Variants in RIT2 observed in about 807,000 individuals in gnomAD.
RIT2 encodes the protein GTP-binding protein Rit2.
In RIT2, 24 loss-of-function variants were observed where a neutral mutation model predicts 23.7. That is an observed-to-expected ratio of 1.01 (90% CI 0.73 to 1.43). RIT2 has a LOEUF of 1.43. Ranked by LOEUF, RIT2 falls within the 40% of genes most tolerant of loss-of-function variation. RIT2 has a pLI of 0.00. For missense variants in RIT2, 236 were observed against 266.9 expected (o/e 0.88, Z 0.81); for synonymous variants, 107 against 91.1 (o/e 1.17, Z -0.99).
At chr18:42,978,360 G>A (rs1307642022) in intron 2 of RIT2, among the ~76,000 whole-genome samples, 1 of 151,596 alleles carries the variant, frequency 6.6e-6, no homozygotes, top group Non-Finnish European at 1.5e-5. Flanking sequence ...TTCATTGTGG[G>A]GAATCTAGGT....
chr18:42,864,931 C>T (rs1018776483), intron 4 of RIT2, among the ~76,000 whole-genome samples: 1 of 152,166 alleles, frequency 6.6e-6, no homozygotes, highest in African/African-American at 2.4e-5. Context: ...AAGCCCCAAC[C>T]ACCTGCCTTA....
Position 42,743,389 on chromosome 18 carries a change from A to G in RIT2, c.*104T>C, listed in dbSNP as rs1402474133. ...CTTTTACCTACAGGCAGATATTTAA[A>G]GAGAGAGAGACACATAGAGAGATAA... On this transcript the variant is annotated 3_prime_UTR_variant, in exon 5 of 5. Transcript: ENST00000326695. 3.7e-6 allele frequency: 3 copies of G among 820,770 alleles called. No individual in the cohort carries two copies. The East Asian group carries it at 7.5e-5, about 20-fold the overall frequency. 50.8% of individuals were successfully genotyped at this position (820,770 alleles called of 1,614,324 possible). A position where few individuals can be genotyped will look rare whatever the true frequency, so the allele number is the denominator to read the frequency against.
At chr18:42,846,116 G>A (rs1247369718) in intron 4 of RIT2, among the ~76,000 whole-genome samples, 2 of 151,910 alleles carry the variant, frequency 1.3e-5, no homozygotes, top group Admixed American at 1.3e-4. Context: ...CGATTTAGTT[G>A]TATTAATTCC....
At chr18:42,831,106 T>C (rs552267391) in intron 4 of RIT2, among the ~76,000 whole-genome samples, 77 of 152,350 alleles carry the variant, frequency 5.1e-4, no homozygotes, top group African/African-American at 1.8e-3. Context: ...TGCTGAGTTG[T>C]ATATTCCACC....
chr18:43,060,870 G>A lies in RIT2; in HGVS notation c.104-27003C>T, dbSNP rs566459627. Among the ~76,000 whole-genome samples, 6 of 152,202 alleles carry A rather than the reference G, an allele frequency of 3.9e-5. 1 individual carries two copies. In the East Asian group the frequency reaches 9.7e-4, roughly 25 times the overall value. On this transcript the variant is annotated intron_variant, in intron 1 of 4. Transcript: ENST00000326695. Reference sequence around the variant, plus strand: ...GTATTTTAGATCATTCCGACATGAGGAAAGCATCGTTATCCCTACAGTTTA... The same window carrying A: ...GTATTTTAGATCATTCCGACATGAGAAAAGCATCGTTATCCCTACAGTTTA...
chr18:43,050,277 T>C (rs1268876634), intron 1 of RIT2, among the ~76,000 whole-genome samples: 1 of 152,006 alleles, frequency 6.6e-6, no homozygotes, highest in Non-Finnish European at 1.5e-5. Flanking sequence ...GTGATCCTAC[T>C]GCCTTGGCCT....
rs576031268 is a variant in RIT2 at position 42,797,030 on chromosome 18, C to T, written c.427-53310G>A. 4.6e-5 allele frequency among the ~76,000 whole-genome samples: 7 copies of T among 152,094 alleles called. No individual in the cohort carries two copies. In the South Asian group the frequency reaches 1.5e-3, roughly 32 times the overall value. Reference sequence around the variant, plus strand: ...TAAATCCATATGTACCTATTGGTAACAAGGAATAAGAACTTCATAAGATTA... The same window carrying T: ...TAAATCCATATGTACCTATTGGTAATAAGGAATAAGAACTTCATAAGATTA... On this transcript the variant is annotated intron_variant, in intron 4 of 4. Transcript: ENST00000326695.
At chr18:42,886,792 G>T (rs9954085) in intron 4 of RIT2, among the ~76,000 whole-genome samples, 36,236 of 151,994 alleles carry the variant, frequency 0.24, 4,519 homozygotes, top group African/African-American at 0.3. Flanking sequence ...AAGATTGGCT[G>T]TTTTTTAATT....
chr18:42,804,353 A>C (rs1330678426), intron 4 of RIT2, among the ~76,000 whole-genome samples: 2 of 152,066 alleles, frequency 1.3e-5, no homozygotes, highest in Non-Finnish European at 2.9e-5. Flanking sequence ...TAGGAGTTCA[A>C]GACCAGCCTG....
chr18:42,811,226 A>C (rs1905841364), intron 4 of RIT2, among the ~76,000 whole-genome samples: 1 of 152,080 alleles, frequency 6.6e-6, no homozygotes, highest in Non-Finnish European at 1.5e-5. Flanking sequence ...CTTAAATGCT[A>C]TTCTTGATTC....
intron 2 of RIT2, among the ~76,000 whole-genome samples, chr18:43,019,778 T>C (rs1011217780): frequency 2.0e-5 from 3 of 152,060 alleles, no homozygotes; most frequent in African/African-American, 7.2e-5. Flanking sequence ...ATCTTATATT[T>C]AGAAAACCCT....
In RIT2 at chr18:42,862,884, C is replaced by G. The variant is rs28404729; in HGVS notation, c.426+60688G>C. On this transcript the variant is annotated intron_variant, in intron 4 of 4. Coordinates refer to ENST00000326695, the MANE Select transcript of RIT2 (RefSeq NM_002930.4). ...TTATGAAACTCCTGAGAACAAAGAA[C>G]AAATCTCCTAACTTTTTATATTTTC... Among the ~76,000 whole-genome samples, 332 of 152,270 alleles carry G rather than the reference C, an allele frequency of 2.2e-3. 3 individuals carry two copies. Among genetic ancestry groups the G allele is most frequent in the African/African-American group, 7.3e-3 (303 of 41,560 alleles).
At chr18:42,968,315 A>G (rs2144196438) in intron 3 of RIT2, among the ~76,000 whole-genome samples, 1 of 152,322 alleles carries the variant, frequency 6.6e-6, no homozygotes, top group East Asian at 1.9e-4. Flanking sequence ...ATTCAATGCT[A>G]CCATAAGAAT....
At chr18:42,948,017 A>C (rs1200353739) in intron 3 of RIT2, among the ~76,000 whole-genome samples, 1 of 152,220 alleles carries the variant, frequency 6.6e-6, no homozygotes, top group African/African-American at 2.4e-5. Flanking sequence ...ACCTAAGTTA[A>C]CAAAGTTAGC....
intron 4 of RIT2, among the ~76,000 whole-genome samples, chr18:42,920,942 CTT>C (rs376037236): frequency 4.1e-5 from 6 of 147,168 alleles, no homozygotes; most frequent in African/African-American, 7.5e-5. Flanking sequence ...TTTGAGTCTG[CTT>C]TTTTTTTTTT....
intron 4 of RIT2, among the ~76,000 whole-genome samples, chr18:42,826,819 G>A (rs758202968): frequency 2.0e-5 from 3 of 151,932 alleles, no homozygotes; most frequent in Non-Finnish European, 4.4e-5. Context: ...TTAAATATAA[G>A]TAATGAAAAT....
intron 4 of RIT2, among the ~76,000 whole-genome samples, chr18:42,914,991 G>T (rs1357282636): frequency 1.3e-5 from 1 of 79,768 alleles, no homozygotes; most frequent in African/African-American, 4.5e-5. Context: ...CTAAGCATGT[G>T]GTTGAGTTAA....
intron 3 of RIT2, among the ~76,000 whole-genome samples, chr18:42,970,038 A>AT (rs1043573302): frequency 2.6e-5 from 4 of 152,074 alleles, no homozygotes; most frequent in African/African-American, 9.7e-5. Context: ...AAGTTATTCC[A>AT]TAAAAAAAGT....
chr18:43,008,542 A>G (rs539047152), intron 2 of RIT2, among the ~76,000 whole-genome samples: 1 of 151,606 alleles, frequency 6.6e-6, no homozygotes, highest in South Asian at 2.1e-4. Context: ...CTAACTCATT[A>G]AGCTGTACAT....
Sources: gnomAD v4.1 joint callset for allele counts (sites outside exome capture counted in the v4.1 genomes callset) on GRCh38, gnomAD v4.1.1 for gene constraint, MANE v1.5 for transcripts, NCBI Gene and HGNC (gene_info 2026-07-23, HGNC 2026-07-21) for gene names.